ZFR: variants seen among roughly 807,000 people sequenced by gnomAD.
The protein encoded by ZFR is zinc finger RNA binding protein.
ZFR carries 19 observed loss-of-function variants against 130.7 expected under a neutral mutation model. That is an observed-to-expected ratio of 0.15 (90% confidence interval 0.10 to 0.21). The LOEUF is 0.21. Ranked by LOEUF, ZFR falls within the 10% of genes least tolerant of loss-of-function variation. The pLI is 1.00. For synonymous variants in ZFR, 466 were observed against 456.9 expected (o/e 1.02, Z -0.25); for missense variants, 872 against 1,321.5 (o/e 0.66, Z 5.27).
chr5:32,440,260 C>T (rs973849759), intron 2 of ZFR, among the ~76,000 whole-genome samples: 1 of 152,190 alleles, frequency 6.6e-6, no homozygotes, highest in Non-Finnish European at 1.5e-5. Flanking sequence ...CTGCTTTATC[C>T]TGTGCACCCT....
At chr5:32,406,612 T>TC in intron 6 of ZFR, 162 bp downstream of exon 6, 1 of 995,640 alleles carries the variant, frequency 1.0e-6, no homozygotes, top group Non-Finnish European at 1.3e-6. Context: ...AGTTTTTTTT[T>TC]CCCTGAAAAT....
chr5:32,433,176 G>C lies in ZFR; in HGVS notation c.137+11053C>G, dbSNP rs1346263430. The stretch of plus-strand genomic sequence containing the variant: ...TTTTCTTGTAATCTTTAACTCACCA[G>C]GAAAGACAGCTATCACCATTTCCCA... On this transcript the variant is annotated intron_variant, in intron 2 of 19. Transcript: ENST00000265069. 4.6e-5 allele frequency among the ~76,000 whole-genome samples: 7 copies of C among 152,206 alleles called. No individual in the cohort carries two copies. In the East Asian group the frequency reaches 5.8e-4, roughly 13 times the overall value.
chr5:32,414,180 T>G (rs1466125429), intron 5 of ZFR, among the ~76,000 whole-genome samples: 1 of 152,198 alleles, frequency 6.6e-6, no homozygotes, highest in Non-Finnish European at 1.5e-5. Context: ...CCAGCCACAA[T>G]GAACTGCAGT....
intron 2 of ZFR, among the ~76,000 whole-genome samples, chr5:32,428,045 A>G (rs552016779): frequency 9.2e-5 from 14 of 152,368 alleles, no homozygotes; most frequent in African/African-American, 2.9e-4. Context: ...AAGCTTCATG[A>G]CATGAAATTT....
chr5:32,392,727 GCTCATACATGTAATT>G (rs1386014294), intron 11 of ZFR, among the ~76,000 whole-genome samples: 6 of 152,204 alleles, frequency 3.9e-5, no homozygotes, highest in African/African-American at 1.4e-4. Context: ...AGTCGTGGTG[GCTCATACATGTAATT>G]CCAGCACTTT....
intron 11 of ZFR, among the ~76,000 whole-genome samples, chr5:32,393,366 G>A (rs1424262822): frequency 4.1e-5 from 6 of 147,802 alleles, no homozygotes; most frequent in Non-Finnish European, 8.9e-5. Flanking sequence ...TTTTTGAGAC[G>A]GAGTTTTGTT....
chr5:32,385,720 C>T, intron 14 of ZFR, 71 bp from the exon 15 acceptor site: 1 of 1,530,346 alleles, frequency 6.5e-7, no homozygotes. Context: ...TTCATTATGG[C>T]TCTTTCACTC....
chr5:32,399,176 G>C (rs1417737021), intron 9 of ZFR, among the ~76,000 whole-genome samples: 5 of 151,986 alleles, frequency 3.3e-5, no homozygotes, highest in Non-Finnish European at 7.4e-5. Flanking sequence ...TTGGGAGGCT[G>C]AGGCAGAAGA....
intron 14 of ZFR, among the ~76,000 whole-genome samples, chr5:32,386,859 C>G (rs1037837098): frequency 6.6e-6 from 1 of 151,974 alleles, no homozygotes; most frequent in African/African-American, 2.4e-5. Flanking sequence ...ATTTAGAATG[C>G]TTTATTAAAT....
intron 12 of ZFR, 137 bp from the exon 13 acceptor site, chr5:32,388,811 G>T: frequency 1.2e-6 from 1 of 825,376 alleles, no homozygotes; most frequent in Non-Finnish European, 1.9e-6. Flanking sequence ...CAGTAAAAAC[G>T]AAAATGCAAA....
At chr5:32,409,513 C>A (rs1412655489) in intron 5 of ZFR, among the ~76,000 whole-genome samples, 2 of 151,108 alleles carry the variant, frequency 1.3e-5, no homozygotes, top group Admixed American at 1.3e-4. Flanking sequence ...TCAACCGATT[C>A]TTGTACCTCA....
chr5:32,424,822 T>C (rs1242525542), intron 2 of ZFR, among the ~76,000 whole-genome samples: 1 of 152,188 alleles, frequency 6.6e-6, no homozygotes, highest in Non-Finnish European at 1.5e-5. Context: ...AGAATCAATC[T>C]AAATTAGAGA....
At chr5:32,396,003 C>T (rs1447664657) in intron 10 of ZFR, among the ~76,000 whole-genome samples, 3 of 151,590 alleles carry the variant, frequency 2.0e-5, no homozygotes, top group Non-Finnish European at 4.4e-5. Context: ...AGGCAGATCA[C>T]TTGAGGCCAG....
Position 32,403,212 on chromosome 5 carries a change from C to G in ZFR, c.1410G>C (p.Thr470=). 1 of 1,614,168 alleles carries G rather than the reference C, an allele frequency of 6.2e-7. No individual in the cohort carries two copies. The highest frequency in any genetic ancestry group is 8.5e-7 in the Non-Finnish European group (1 of 1,180,024). The change falls in exon 8 of 20, where the codon ACG becomes ACC. Residue 470 remains threonine, a synonymous_variant. Coordinates refer to ENST00000265069, the MANE Select transcript of ZFR (RefSeq NM_016107.5). ...TATTAAGAGACGAGTTTCCTGTAGTCGTAAGACCCTTCATTGAAGACGTTG... is the reference window on the plus strand; with the variant it reads ...TATTAAGAGACGAGTTTCCTGTAGTGGTAAGACCCTTCATTGAAGACGTTG... ...SVATSSMKGL[T]TTGNSSLNST...
intron 19 of ZFR, among the ~76,000 whole-genome samples, chr5:32,356,480 T>C (rs1353770314): frequency 1.3e-5 from 2 of 151,764 alleles, no homozygotes; most frequent in African/African-American, 4.8e-5. Flanking sequence ...TGGTGCGAGC[T>C]TGGCTCACTG....
chr5:32,362,362 A>G (rs1339412443), intron 19 of ZFR, among the ~76,000 whole-genome samples: 1 of 152,234 alleles, frequency 6.6e-6, no homozygotes, highest in Non-Finnish European at 1.5e-5. Context: ...GCATACAAGA[A>G]TAAAGGTAGA....
At chr5:32,397,160 T>G in intron 10 of ZFR, 59 bp downstream of exon 10, 1 of 1,547,028 alleles carries the variant, frequency 6.5e-7, no homozygotes, top group South Asian at 1.3e-5. Flanking sequence ...AAGAATGCTC[T>G]GGGTGTTTTT....
At chr5:32,423,190 G>A (rs1038752767) in intron 2 of ZFR, among the ~76,000 whole-genome samples, 13 of 151,982 alleles carry the variant, frequency 8.6e-5, no homozygotes, top group African/African-American at 2.7e-4. Flanking sequence ...AAAATTAGCC[G>A]CGTGTCGTGG....
chr5:32,420,221 G>T, intron 2 of ZFR, 118 bp from the exon 3 acceptor site: 1 of 1,201,888 alleles, frequency 8.3e-7, no homozygotes. Flanking sequence ...ATTTAATGAC[G>T]GACCACAAAA....
Sources: allele counts gnomAD v4.1 joint callset (sites outside exome capture counted in the v4.1 genomes callset), GRCh38; gene constraint gnomAD v4.1.1; transcripts MANE v1.5; gene names NCBI Gene and HGNC (gene_info 2026-07-23, HGNC 2026-07-21).